ZC3H14: variants seen among roughly 807,000 people sequenced by gnomAD.
ZC3H14 encodes zinc finger CCCH-type containing 14, also known as zinc finger CCCH domain-containing protein 14.
Under a neutral mutation model 92.4 loss-of-function variants are expected in ZC3H14, and 31 were observed. The ratio of observed to expected loss-of-function variants is 0.34; its 90% CI spans 0.25 to 0.45. ZC3H14 has a LOEUF of 0.45. Ranked by LOEUF, ZC3H14 falls within the 20% of genes least tolerant of loss-of-function variation. The probability of loss-of-function intolerance (pLI) is 1.00; values close to 1 mark genes in which losing one functional copy is unlikely to be tolerated. For missense variants in ZC3H14, 781 were observed against 897.3 expected (o/e 0.87, Z 1.66); for synonymous variants, 321 against 300.9 (o/e 1.07, Z -0.69).
At position 88,572,845 on chromosome 14, in the gene ZC3H14, A is replaced by G. The variant is rs945102445; in HGVS notation, c.699A>G (p.Gln233=). Residue 233 remains glutamine, a synonymous_variant, in exon 6 of 17, where the codon CAA becomes CAG. Transcript: ENST00000251038. ...GTGGTGTTCATTTAAACAGGTTGCAATTTCAACAGCAGCAGAATAGTATTC... is the reference window on the plus strand; with the variant it reads ...GTGGTGTTCATTTAAACAGGTTGCAGTTTCAACAGCAGCAGAATAGTATTC... The part of the protein sequence containing the change: ...ADSGVHLNRL[Q]FQQQQNSIHA... 1 of 1,614,198 alleles carries G rather than the reference A, an allele frequency of 6.2e-7. No homozygotes were observed. The highest frequency in any genetic ancestry group is 1.1e-5 in the South Asian group (1 of 91,084).
At position 88,616,978 on chromosome 14, in the gene ZC3H14, A is replaced by C. The variant is rs777318069; in HGVS notation, c.*5227A>C. On this transcript the variant is annotated 3_prime_UTR_variant, in exon 17 of 17. Coordinates refer to ENST00000251038, the MANE Select transcript of ZC3H14 (RefSeq NM_024824.5). The stretch of plus-strand genomic sequence containing the variant: ...GCAATTAATCTCTAAGTACCCTATC[A>C]TGTTACTTAAAATACAGGAAGTAAA... 1.5e-5 allele frequency: 17 copies of C among 1,125,936 alleles called. No individual in the cohort carries two copies. The highest frequency in any genetic ancestry group is 2.2e-5 in the Admixed American group (1 of 44,928). The allele number at this position is 1,125,936 out of a possible 1,614,324, so 69.7% of individuals were successfully genotyped here. A position where few individuals can be genotyped will look rare whatever the true frequency, so the allele number is the denominator to read the frequency against.
In ZC3H14 at chr14:88,563,148, C is replaced by G. The variant is rs1040278094; in HGVS notation, c.15C>G (p.Thr5=). Residue 5 remains threonine (T), a synonymous_variant, in exon 1 of 17, where the codon ACC becomes ACG. Coordinates refer to ENST00000251038, the MANE Select transcript of ZC3H14 (RefSeq NM_024824.5). ...GCCGCAGAGCCATGGAGATCGGCACCGAGATCAGCCGCAAGATCCGGGTGA... is the reference window on the plus strand; with the variant it reads ...GCCGCAGAGCCATGGAGATCGGCACGGAGATCAGCCGCAAGATCCGGGTGA... MEIG[T]EISRKIRSAI... 2 of 1,601,814 alleles carry G rather than the reference C, an allele frequency of 1.2e-6. No individual in the cohort carries two copies. The highest frequency in any genetic ancestry group is 1.7e-6 in the Non-Finnish European group (2 of 1,176,708).
Position 88,618,140 on chromosome 14 carries a change from T to C in ZC3H14, c.*6389T>C. On this transcript the variant is annotated 3_prime_UTR_variant, in exon 17 of 17. Transcript: ENST00000251038. Reference sequence around the variant, plus strand: ...AACTTGAAACTCAATTACTATTCCTTATTGGAATGGCTCTAACAGTTCAGA... The same window carrying C: ...AACTTGAAACTCAATTACTATTCCTCATTGGAATGGCTCTAACAGTTCAGA... The C allele has an allele frequency of 9.3e-7, 1 of 1,072,192 alleles. No individual in the cohort carries two copies. The highest frequency in any genetic ancestry group is 1.4e-6 in the Non-Finnish European group (1 of 730,446). 66.4% of individuals were successfully genotyped at this position (1,072,192 alleles called of 1,614,324 possible).
Position 88,613,416 on chromosome 14 carries a change from CTCAG to C in ZC3H14, c.*1667_*1670del, listed in dbSNP as rs1235682280. 1.3e-5 allele frequency: 2 copies of C among 152,000 alleles called. No individual in the cohort carries two copies. The highest frequency in any genetic ancestry group is 2.9e-5 in the Non-Finnish European group (2 of 67,990). 9.4% of individuals were successfully genotyped at this position (152,000 alleles called of 1,614,324 possible). A position where few individuals can be genotyped will look rare whatever the true frequency, so the allele number is the denominator to read the frequency against. On this transcript the variant is annotated 3_prime_UTR_variant, in exon 17 of 17. Coordinates refer to ENST00000251038, the MANE Select transcript of ZC3H14 (RefSeq NM_024824.5). ...TATCATTTATAAAGATAGTTTTGTTCTCAGTTTCACTATAAATTATAGAACAAAT... is the reference window on the plus strand; with the variant it reads ...TATCATTTATAAAGATAGTTTTGTTCTTTCACTATAAATTATAGAACAAAT...
chr14:88,609,676 C>G lies in ZC3H14; in HGVS notation c.2006-36C>G, dbSNP rs560365340. On this transcript the variant is annotated intron_variant, in intron 14 of 16. Coordinates refer to ENST00000251038, the MANE Select transcript of ZC3H14 (RefSeq NM_024824.5). ...CTGCATTAAAAATGGGTTTTCCAAA[C>G]AGATTGGAGATCAGTCCTGGTTTTT... The G allele has an allele frequency of 3.1e-6, 5 of 1,610,738 alleles. No individual in the cohort carries two copies. The South Asian group carries it at 5.5e-5, about 18-fold the overall frequency.
chr14:88,622,035 C>A lies in ZC3H14; in HGVS notation c.*10284C>A. 3.0e-6 allele frequency: 1 copy of A among 330,036 alleles called. No homozygotes were observed. The allele number at this position is 330,036 out of a possible 1,614,324, so 20.4% of individuals were successfully genotyped here. ...CCAGTCCTTCCCTATCCCCCTCCCC[C>A]TCCCCCTTGTCCGCCTCCAGTAACC... On this transcript the variant is annotated 3_prime_UTR_variant, in exon 17 of 17. Transcript: ENST00000251038.
rs181831802 is a variant in ZC3H14 at position 88,627,076 on chromosome 14, T to C, written c.*15325T>C. The C allele has an allele frequency of 3.6e-3, 5,719 of 1,606,366 alleles. 14 individuals are homozygous for C. Among genetic ancestry groups the C allele is most frequent in the Non-Finnish European group, 4.4e-3 (5,150 of 1,174,372 alleles). On this transcript the variant is annotated 3_prime_UTR_variant, in exon 17 of 17. Coordinates refer to ENST00000251038, the MANE Select transcript of ZC3H14 (RefSeq NM_024824.5). ...CAAGATACAACAAAATTATCTAGGT[T>C]ATTACAAGAACCAAGCTAATCAACA...
At position 88,572,757 on chromosome 14, in the gene ZC3H14, C is replaced by T; in HGVS notation, c.611C>T (p.Thr204Ile). 6.2e-7 allele frequency: 1 copy of T among 1,614,216 alleles called. No individual in the cohort carries two copies. The highest frequency in any genetic ancestry group is 8.5e-7 in the Non-Finnish European group (1 of 1,180,044). ...CAGAAAAAACCTACAGTGACACTTACATATGGTTCTTCTCGCCCTTCTATT... is the reference window on the plus strand; with the variant it reads ...CAGAAAAAACCTACAGTGACACTTATATATGGTTCTTCTCGCCCTTCTATT... ...LSQKKPTVTL[T>I]YGSSRPSIEI... The change falls in exon 6 of 17, where the codon ACA becomes ATA. Residue 204 changes from threonine (T) to isoleucine (I), a missense_variant. Thr to Ile is a moderately conservative substitution (Grantham distance 89). This residue lies in a region of ZC3H14 where 454 missense variants were observed against 438.5 expected (regional missense o/e 1.04). Coordinates refer to ENST00000251038, the MANE Select transcript of ZC3H14 (RefSeq NM_024824.5).
chr14:88,591,796 A>T (rs979693976), intron 9 of ZC3H14: 11 of 152,246 alleles, frequency 7.2e-5, no homozygotes, highest in African/African-American at 2.7e-4. Flanking sequence ...CATATAAAGC[A>T]GGAATTATAC....
rs780314268 is a variant in ZC3H14, at chr14:88,611,799, GTACTGATGAAAGATAC to G, written c.*50_*65del. 1 of 1,612,842 alleles carries G rather than the reference GTACTGATGAAAGATAC, an allele frequency of 6.2e-7. No homozygotes were observed. Among genetic ancestry groups the G allele is most frequent in the South Asian group, 1.1e-5 (1 of 91,000 alleles). On this transcript the variant is annotated 3_prime_UTR_variant, in exon 17 of 17. Transcript: ENST00000251038. ...GATCATGCAGTTTGGAAGTTTTCAT[GTACTGATGAAAGATAC>G]TCTACAGAACTTGTCAAATCTTTGA... is the stretch of plus-strand genomic sequence containing the variant.
rs1366714271 is a variant in ZC3H14 at position 88,563,551 on chromosome 14, A to G, written c.37-100A>G. 5.1e-6 allele frequency: 8 copies of G among 1,581,726 alleles called. No homozygotes were observed. The African/African-American group carries it at 6.7e-5, about 13-fold the overall frequency. On this transcript the variant is annotated intron_variant, in intron 1 of 16. Coordinates refer to ENST00000251038, the MANE Select transcript of ZC3H14 (RefSeq NM_024824.5). ...TCCCAGCCCCCGCCCGGGGGATCCG[A>G]GGTGCGCGCACCAGCAAAGTGGCCT... is the stretch of plus-strand genomic sequence containing the variant.
At chr14:88,577,339 A>G (rs958163593) in intron 8 of ZC3H14, among the ~76,000 whole-genome samples, 8 of 152,222 alleles carry the variant, frequency 5.3e-5, no homozygotes, top group African/African-American at 1.9e-4. Context: ...TACCTAGGTT[A>G]TCTAAATTAC....
In ZC3H14 at chr14:88,627,366, CATT is replaced by C; in HGVS notation, c.*15617_*15619del. 1 of 455,286 alleles carries C rather than the reference CATT, an allele frequency of 2.2e-6. No individual in the cohort carries two copies. Among genetic ancestry groups the C allele is most frequent in the East Asian group, 3.8e-5 (1 of 26,548 alleles). The allele number at this position is 455,286 out of a possible 1,614,324, so 28.2% of individuals were successfully genotyped here. ...TAAGAATCTCCAAAACCAATCAAAT[CATT>C]AATAATAAATACATAGTTTCTTGCT... is the stretch of plus-strand genomic sequence containing the variant. On this transcript the variant is annotated 3_prime_UTR_variant, in exon 17 of 17. Transcript: ENST00000251038.
chr14:88,596,549 A>AT (rs1436529530), intron 9 of ZC3H14, among the ~76,000 whole-genome samples, 185 bp from the exon 10 acceptor site: 21 of 152,324 alleles, frequency 1.4e-4, no homozygotes, highest in Non-Finnish European at 2.1e-4. Flanking sequence ...TTTAACCCTG[A>AT]GTACAGCCTT....
At chr14:88,569,534 A>G (rs1462947074) in intron 3 of ZC3H14, among the ~76,000 whole-genome samples, 1 of 152,152 alleles carries the variant, frequency 6.6e-6, no homozygotes, top group Non-Finnish European at 1.5e-5. Flanking sequence ...GTTTGAGGTA[A>G]AGTGAGGATG....
At position 88,614,109 on chromosome 14, in the gene ZC3H14, C is replaced by T. The variant is rs573424433; in HGVS notation, c.*2358C>T. 1.3e-5 allele frequency: 2 copies of T among 152,316 alleles called. No individual in the cohort carries two copies. The highest frequency in any genetic ancestry group is 3.9e-4 in the East Asian group (2 of 5,190). The allele number at this position is 152,316 out of a possible 1,614,324, so 9.4% of individuals were successfully genotyped here. On this transcript the variant is annotated 3_prime_UTR_variant, in exon 17 of 17. Transcript: ENST00000251038. The stretch of plus-strand genomic sequence containing the variant: ...AATGGAAATATAATTTCTCTGTAGC[C>T]AAAAGCTGGCAAACTTGACCCAGAG...
chr14:88,618,724 T>C lies in ZC3H14; in HGVS notation c.*6973T>C. On this transcript the variant is annotated 3_prime_UTR_variant, in exon 17 of 17. Coordinates refer to ENST00000251038, the MANE Select transcript of ZC3H14 (RefSeq NM_024824.5). ...GGAATGTCTTTGCAGTAGCTGATTC[T>C]GTTAAGAGTGGGGCCCAGCGTTAGG... The C allele has an allele frequency of 1.2e-6, 2 of 1,610,274 alleles. No homozygotes were observed. Among genetic ancestry groups the C allele is most frequent in the Non-Finnish European group, 1.7e-6 (2 of 1,178,100 alleles).
In ZC3H14 at chr14:88,572,088, CAA is replaced by C. The variant is rs760399255; in HGVS notation, c.295_296del (p.Lys99GlufsTer8). 22 of 1,614,018 alleles carry C rather than the reference CAA, an allele frequency of 1.4e-5. No individual in the cohort carries two copies. Among genetic ancestry groups the C allele is most frequent in the Admixed American group, 1.7e-5 (1 of 59,998 alleles). ...TCTTTGATAGTAACGTGCCTTCAAA[CAA>C]GAGCAATTTCAGTCGGGGAGATGAG... ...NIFDSNVPSNKSNFSRGDERR... is the reference protein window; with the variant it reads ...NIFDSNVPSNXSNFSRGDERR... On this transcript the variant is annotated frameshift_variant, in exon 5 of 17. Transcript: ENST00000251038. LOFTEE classifies it high-confidence loss of function.
At chr14:88,589,802 T>C (rs2082890851) in intron 9 of ZC3H14, 1 of 152,398 alleles carries the variant, frequency 6.6e-6, no homozygotes, top group Non-Finnish European at 1.5e-5. Context: ...TAGAATTCAC[T>C]ACCGTTTATC....
Sources: allele counts gnomAD v4.1 joint callset (sites outside exome capture counted in the v4.1 genomes callset), GRCh38; gene constraint gnomAD v4.1.1; regional missense constraint gnomAD v4.1.1; transcripts MANE v1.5; gene names NCBI Gene and HGNC (gene_info 2026-07-23, HGNC 2026-07-21).